Variants in GNE observed in about 807,000 individuals in gnomAD.
The protein encoded by GNE is glucosamine (UDP-N-acetyl)-2-epimerase/N-acetylmannosamine kinase, also known as bifunctional UDP-N-acetylglucosamine 2-epimerase/N-acetylmannosamine kinase.
In GNE, 41 loss-of-function variants were observed where a neutral mutation model predicts 61.8. The ratio of observed to expected loss-of-function variants is 0.66; its 90% CI spans 0.52 to 0.86. GNE has a LOEUF of 0.86. Among genes scored for constraint, GNE ranks in the 40% least tolerant of loss-of-function variants. GNE has a pLI of 0.00. For synonymous variants in GNE, 264 were observed against 326.4 expected (o/e 0.81, Z 2.06); for missense variants, 608 against 909.1 (o/e 0.67, Z 4.26).
chr9:36,270,672 C>T (rs185360896), intron 1 of GNE, among the ~76,000 whole-genome samples: 1,893 of 152,224 alleles, frequency 0.012, 35 homozygotes, highest in African/African-American at 0.041. Context: ...CGCCCGCCAC[C>T]GCGCCCGGCT....
chr9:36,220,635 T>C (rs1164287901), intron 9 of GNE, among the ~76,000 whole-genome samples: 2 of 152,230 alleles, frequency 1.3e-5, no homozygotes, highest in African/African-American at 4.8e-5. Context: ...TACCTGTACC[T>C]AAATCCTTGT....
In GNE at chr9:36,222,418, C is replaced by CAA. The variant is rs753437656; in HGVS notation, c.1633+357_1633+358dup. On this transcript the variant is annotated intron_variant, in intron 9 of 11. Transcript: ENST00000642385. ...TGGGCGACAGAGCGAGACTCCGTCT[C>CAA]AAAAAAAAAAAAAAAAACATTTCAA... Among the ~76,000 whole-genome samples, 550 of 116,988 alleles carry CAA rather than the reference C, an allele frequency of 4.7e-3. 4 individuals carry two copies. The highest frequency in any genetic ancestry group is 6.6e-3 in the African/African-American group (206 of 31,304). The allele number at this position is 116,988 out of a possible 152,430, so 76.7% of individuals were successfully genotyped here. A position where few individuals can be genotyped will look rare whatever the true frequency, so the allele number is the denominator to read the frequency against.
chr9:36,223,580 G>A, intron 7 of GNE, 78 bp from the exon 8 acceptor site: 1 of 1,401,970 alleles, frequency 7.1e-7, no homozygotes, highest in South Asian at 1.2e-5. Context: ...TCTTTTTCAT[G>A]ACAAATTAGA....
At chr9:36,264,792 T>C (rs2133183352) in intron 1 of GNE, among the ~76,000 whole-genome samples, 1 of 151,656 alleles carries the variant, frequency 6.6e-6, no homozygotes, top group African/African-American at 2.4e-5. Context: ...AAACAGGAGG[T>C]AAAGAACTAA....
Position 36,236,827 on chromosome 9 carries a change from A to AT in GNE, c.769+4dup, listed in dbSNP as rs756817842. On this transcript the variant is annotated splice_donor_region_variant and intron_variant, in intron 4 of 11. Coordinates refer to ENST00000642385, the MANE Select transcript of GNE (RefSeq NM_005476.7). ...TGGCATAATTTCATTTTCAAGTTCA[A>AT]TTACCTGCGTCAATATTTGGAAACA... 158 of 1,613,248 alleles carry AT rather than the reference A, an allele frequency of 9.8e-5. No individual in the cohort carries two copies. In the South Asian group the frequency reaches 1.6e-3, roughly 16 times the overall value.
intron 5 of GNE, 69 bp from the exon 6 acceptor site, chr9:36,229,177 A>T (rs1481656921): frequency 1.0e-5 from 9 of 878,580 alleles, no homozygotes. Flanking sequence ...AGAAATTATC[A>T]GTGTACTATG....
upstream of GNE, among the ~76,000 whole-genome samples, chr9:36,260,868 CAAAAAAAAAAAAAAAAA>C (rs745821430): frequency 1.0e-5 from 1 of 96,020 alleles, no homozygotes; most frequent in Non-Finnish European, 2.0e-5. Flanking sequence ...GACTCTATCT[CAAAAAAAAAAAAAAAAA>C]AAAAAAAAAA....
chr9:36,265,697 G>A (rs575177198), intron 1 of GNE: 146 of 308,364 alleles, frequency 4.7e-4, no homozygotes, highest in Admixed American at 1.7e-3. Flanking sequence ...GTTTTTCCAT[G>A]GGAAGTGGGG....
At chr9:36,256,186 A>G (rs1487555267) in intron 1 of GNE, among the ~76,000 whole-genome samples, 3 of 146,394 alleles carry the variant, frequency 2.0e-5, no homozygotes, top group Admixed American at 7.0e-5. Context: ...TGGCCTCCCA[A>G]AGTGCTTGGA....
chr9:36,220,413 C>A (rs1828535178), intron 9 of GNE, among the ~76,000 whole-genome samples: 1 of 152,212 alleles, frequency 6.6e-6, no homozygotes, highest in Non-Finnish European at 1.5e-5. Context: ...CCAGGGGCAA[C>A]CTGCAACCGA....
chr9:36,236,688 A>T (rs1171739654), intron 4 of GNE, 144 bp downstream of exon 4: 4 of 761,268 alleles, frequency 5.3e-6, no homozygotes, highest in Non-Finnish European at 9.0e-6. Flanking sequence ...CAAAATTGGT[A>T]ATCCTTTGAA....
intron 1 of GNE, among the ~76,000 whole-genome samples, chr9:36,275,020 G>A (rs1473617145): frequency 6.6e-6 from 1 of 152,256 alleles, no homozygotes; most frequent in Non-Finnish European, 1.5e-5. Context: ...CACCGCACCC[G>A]GCCGGTTTCA....
In GNE at chr9:36,218,184, T is replaced by C. The variant is rs769504121; in HGVS notation, c.1932A>G (p.Thr644=). ...AGCCACCTGCAGCCACATGCTCACC[T>C]GTTCTTAGGATGCTCTGGGCCTTCG... ...GNAKAQSILR[T]AGTALGLGVV... Residue 644 remains threonine, a splice_region_variant and synonymous_variant, in exon 11 of 12, where the codon ACA becomes ACG. Transcript: ENST00000642385. The surrounding 1 kb of genome is among the most constrained non-coding windows in gnomAD (Gnocchi z 4.1). The C allele has an allele frequency of 6.2e-7, 1 of 1,606,468 alleles. No homozygotes were observed. Among genetic ancestry groups the C allele is most frequent in the Non-Finnish European group, 8.5e-7 (1 of 1,172,990 alleles).
rs1038342476 is a variant in GNE at position 36,214,989 on chromosome 9, T to C, written c.*2376A>G. ...TCCCAAAATAGAAATCTGAAAGATATATGCACATGATTTCTTAGATCATCT... is the reference window on the plus strand; with the variant it reads ...TCCCAAAATAGAAATCTGAAAGATACATGCACATGATTTCTTAGATCATCT... On this transcript the variant is annotated 3_prime_UTR_variant, in exon 12 of 12. Transcript: ENST00000642385. 4 of 152,156 alleles carry C rather than the reference T, an allele frequency of 2.6e-5. No homozygotes were observed. The highest frequency in any genetic ancestry group is 6.5e-5 in the Admixed American group (1 of 15,272). The allele number at this position is 152,156 out of a possible 1,614,324, so 9.4% of individuals were successfully genotyped here. A position where few individuals can be genotyped will look rare whatever the true frequency, so the allele number is the denominator to read the frequency against.
chr9:36,264,617 G>A (rs1830708568), intron 1 of GNE, among the ~76,000 whole-genome samples: 1 of 152,142 alleles, frequency 6.6e-6, no homozygotes, highest in Non-Finnish European at 1.5e-5. Context: ...AAAAGAGTAT[G>A]TACTGTTGAG....
chr9:36,256,834 T>G (rs1830372461), intron 1 of GNE, among the ~76,000 whole-genome samples: 1 of 152,218 alleles, frequency 6.6e-6, no homozygotes, highest in Non-Finnish European at 1.5e-5. Flanking sequence ...CATTTCATCC[T>G]CACAGCCCTC....
At chr9:36,236,757 G>T in intron 4 of GNE, 75 bp downstream of exon 4, 1 of 1,229,826 alleles carries the variant, frequency 8.1e-7, no homozygotes, top group Non-Finnish European at 1.2e-6. Context: ...AAGATAGGAA[G>T]GCAGTTAAAA....
In GNE at chr9:36,258,391, G is replaced by C; in HGVS notation, c.-113C>G. ...GGGCGAGGGACGAACCAAGCGCCAC[G>C]AAGCAGGCAGAGCGCGAGCCTGCCC... On this transcript the variant is annotated 5_prime_UTR_variant, in exon 1 of 12. Coordinates refer to ENST00000642385, the MANE Select transcript of GNE (RefSeq NM_005476.7). 1.0e-6 allele frequency: 1 copy of C among 985,538 alleles called. No homozygotes were observed. The highest frequency in any genetic ancestry group is 1.2e-6 in the Non-Finnish European group (1 of 830,006). 61.0% of individuals were successfully genotyped at this position (985,538 alleles called of 1,614,324 possible). A position where few individuals can be genotyped will look rare whatever the true frequency, so the allele number is the denominator to read the frequency against.
Position 36,219,711 on chromosome 9 carries a change from T to C in GNE, c.1816+127A>G. ...GTGCAGTTTTAGTGCGAGGGAGCCCTGCTCTTTCCCTAAGAAGTGAAAAGG... is the reference window on the plus strand; with the variant it reads ...GTGCAGTTTTAGTGCGAGGGAGCCCCGCTCTTTCCCTAAGAAGTGAAAAGG... On this transcript the variant is annotated intron_variant, in intron 10 of 11. Transcript: ENST00000642385. 3 of 846,394 alleles carry C rather than the reference T, an allele frequency of 3.5e-6. No individual in the cohort carries two copies. In the South Asian group the frequency reaches 4.3e-5, roughly 12 times the overall value. The allele number at this position is 846,394 out of a possible 1,614,324, so 52.4% of individuals were successfully genotyped here.
Sources: gnomAD v4.1 joint callset for allele counts (sites outside exome capture counted in the v4.1 genomes callset) on GRCh38, gnomAD v4.1.1 for gene constraint, Gnocchi (gnomAD v3.1) non-coding constraint, MANE v1.5 for transcripts, NCBI Gene and HGNC (gene_info 2026-07-23, HGNC 2026-07-21) for gene names.